Variants in LDHB observed in about 807,000 individuals in gnomAD.
The protein encoded by LDHB is lactate dehydrogenase B.
Under a neutral mutation model 33.4 loss-of-function variants are expected in LDHB, and 18 were observed. The ratio of observed to expected loss-of-function variants is 0.54; its 90% CI spans 0.37 to 0.80. LDHB has a LOEUF of 0.80. LDHB is among the 30% of genes least tolerant of loss of function. The pLI is 0.00. For synonymous variants in LDHB, 121 were observed against 140.6 expected (o/e 0.86, Z 0.98); for missense variants, 345 against 407.9 (o/e 0.85, Z 1.33).
intron 2 of LDHB, among the ~76,000 whole-genome samples, chr12:21,651,077 CAA>C (rs917540063): frequency 1.3e-5 from 2 of 152,142 alleles, no homozygotes; most frequent in Admixed American, 6.5e-5. Context: ...GAAATGCAAG[CAA>C]AAGAGTTTAA....
At chr12:21,642,909 T>C (rs1206809147) in intron 4 of LDHB, among the ~76,000 whole-genome samples, 1 of 152,228 alleles carries the variant, frequency 6.6e-6, no homozygotes, top group Non-Finnish European at 1.5e-5. Flanking sequence ...AGTGACTCCC[T>C]GGAAAATCCA....
intron 3 of LDHB, among the ~76,000 whole-genome samples, chr12:21,644,990 A>G (rs974478946): frequency 6.6e-6 from 1 of 152,180 alleles, no homozygotes; most frequent in Non-Finnish European, 1.5e-5. Context: ...CTGTGTAGAA[A>G]GAAGTAGACA....
At chr12:21,650,096 G>GAA (rs1555165524) in intron 2 of LDHB, among the ~76,000 whole-genome samples, 2 of 24,538 alleles carry the variant, frequency 8.2e-5, no homozygotes, top group African/African-American at 1.7e-4. Flanking sequence ...TCTCTCAAGA[G>GAA]AAAAAAAATA....
At chr12:21,641,892 G>A (rs1056148927) in intron 5 of LDHB, 60 bp downstream of exon 5, 47 of 1,423,586 alleles carry the variant, frequency 3.3e-5, no homozygotes, top group Non-Finnish European at 4.5e-5. Context: ...GAAATAAAAT[G>A]AAAAATTCAA....
chr12:21,654,741 C>T, intron 1 of LDHB, 64 bp from the exon 2 acceptor site: 1 of 1,396,554 alleles, frequency 7.2e-7, no homozygotes, highest in Non-Finnish European at 1.0e-6. Flanking sequence ...AGAAATCATC[C>T]TTAAAATGTT....
intron 1 of LDHB, among the ~76,000 whole-genome samples, chr12:21,654,945 AC>A (rs1311700100): frequency 6.6e-6 from 1 of 151,892 alleles, no homozygotes; most frequent in Non-Finnish European, 1.5e-5. Context: ...ACATGGTGAA[AC>A]CCCGTCTCTA....
chr12:21,650,315 A>G (rs1938652056), intron 2 of LDHB, among the ~76,000 whole-genome samples: 1 of 152,244 alleles, frequency 6.6e-6, no homozygotes, highest in African/African-American at 2.4e-5. Context: ...CTATTTGAGC[A>G]TGTTTCTGGC....
At chr12:21,636,212 T>C (rs1938212256) in intron 7 of LDHB, among the ~76,000 whole-genome samples, 1 of 152,064 alleles carries the variant, frequency 6.6e-6, no homozygotes, top group Admixed American at 6.6e-5. Context: ...AATGGATTAC[T>C]TTCTATGAAA....
chr12:21,657,344 T>G (rs1185853791), intron 1 of LDHB: 1 of 152,120 alleles, frequency 6.6e-6, no homozygotes, highest in Non-Finnish European at 1.5e-5. Context: ...ATTCAAATAT[T>G]CGAGGTAAAG....
At chr12:21,651,282 G>T (rs1938682214) in intron 2 of LDHB, among the ~76,000 whole-genome samples, 1 of 152,228 alleles carries the variant, frequency 6.6e-6, no homozygotes, top group Admixed American at 6.5e-5. Context: ...TTATGTATGT[G>T]TGTAGCATAT....
At chr12:21,637,402 T>C (rs76751827) in intron 6 of LDHB, 1 of 473,194 alleles carries the variant, frequency 2.1e-6, no homozygotes, top group East Asian at 3.4e-5. Context: ...AAACACTATA[T>C]AAATGCTTGA....
rs1248827943 is a variant in LDHB at position 21,647,026 on chromosome 12, C to CA, written c.130-11dup. On this transcript the variant is annotated splice_polypyrimidine_tract_variant and intron_variant, in intron 2 of 7. Transcript: ENST00000350669. ...GTTCATCAGCCAGAGACTGTAAACG[C>CA]AAAAACAGGCATTAGAACCCTAAGC... 2.7e-5 allele frequency: 41 copies of CA among 1,532,580 alleles called. 1 individual carries two copies. Among genetic ancestry groups the CA allele is most frequent in the Non-Finnish European group, 3.7e-5 (41 of 1,109,028 alleles). 94.9% of individuals were successfully genotyped at this position (1,532,580 alleles called of 1,614,324 possible). A position where few individuals can be genotyped will look rare whatever the true frequency, so the allele number is the denominator to read the frequency against.
At chr12:21,653,019 G>A (rs951767035) in intron 2 of LDHB, among the ~76,000 whole-genome samples, 6 of 152,134 alleles carry the variant, frequency 3.9e-5, no homozygotes, top group African/African-American at 1.4e-4. Flanking sequence ...TGAAGGCAAG[G>A]CAGCATTTTT....
At chr12:21,645,674 T>C (rs1938503997) in intron 3 of LDHB, among the ~76,000 whole-genome samples, 1 of 152,150 alleles carries the variant, frequency 6.6e-6, no homozygotes, top group Non-Finnish European at 1.5e-5. Context: ...TGTTCACATA[T>C]TTTCCTGCTG....
At chr12:21,635,775 AG>A in intron 7 of LDHB, 66 bp from the exon 8 acceptor site, 2 of 1,457,298 alleles carry the variant, frequency 1.4e-6, no homozygotes, top group Non-Finnish European at 1.9e-6. Flanking sequence ...CAAAGACAGG[AG>A]GCTGAGGTGG....
At chr12:21,644,817 T>G (rs1415603163) in intron 3 of LDHB, among the ~76,000 whole-genome samples, 1 of 152,172 alleles carries the variant, frequency 6.6e-6, no homozygotes, top group Non-Finnish European at 1.5e-5. Flanking sequence ...TTCATAAGGT[T>G]GTTGCAAAGA....
intron 2 of LDHB, among the ~76,000 whole-genome samples, chr12:21,651,610 G>GT (rs1441307432): frequency 6.6e-6 from 1 of 151,760 alleles, no homozygotes; most frequent in Non-Finnish European, 1.5e-5. Context: ...TTTGGTTTTT[G>GT]TTGATTTCAG....
At chr12:21,644,446 C>CAAAAAAA (rs374761135) in intron 3 of LDHB, among the ~76,000 whole-genome samples, 88,181 of 108,550 alleles carry the variant, frequency 0.81, 34,797 homozygotes, top group Middle Eastern at 0.9. Flanking sequence ...AAAAAAAAAA[C>CAAAAAAA]AAAAACAAAA....
chr12:21,649,093 TA>T (rs1405076857), intron 2 of LDHB, among the ~76,000 whole-genome samples: 1 of 152,220 alleles, frequency 6.6e-6, no homozygotes, highest in Non-Finnish European at 1.5e-5. Context: ...CAACATAACT[TA>T]ATAATAGCTA....
Sources: gnomAD v4.1 joint callset for allele counts (sites outside exome capture counted in the v4.1 genomes callset) on GRCh38, gnomAD v4.1.1 for gene constraint, MANE v1.5 for transcripts, NCBI Gene and HGNC (gene_info 2026-07-23, HGNC 2026-07-21) for gene names.